Variants in ABCB4 observed in about 807,000 individuals in gnomAD.
ABCB4 encodes phosphatidylcholine translocator ABCB4.
A neutral mutation model predicts 145.7 loss-of-function variants in ABCB4; 76 were observed. That is an observed-to-expected ratio of 0.52 (90% CI 0.43 to 0.63). The LOEUF (loss-of-function observed/expected upper bound fraction) is 0.63, where lower values mean the gene tolerates loss of function less well. Among genes scored for constraint, ABCB4 ranks in the 30% least tolerant of loss-of-function variants. ABCB4 has a pLI of 0.00. For synonymous variants in ABCB4, 517 were observed against 566.8 expected (o/e 0.91, Z 1.25); for missense variants, 1,234 against 1,553.1 (o/e 0.79, Z 3.45).
chr7:87,469,706 A>G (rs1410186827), intron 3 of ABCB4, among the ~76,000 whole-genome samples: 1 of 152,226 alleles, frequency 6.6e-6, no homozygotes, highest in Non-Finnish European at 1.5e-5. Context: ...CCACTGCTCA[A>G]CGAAATAAAA....
chr7:87,475,236 G>C (rs1813715592), intron 2 of ABCB4, 150 bp downstream of exon 2: 3 of 891,978 alleles, frequency 3.4e-6, no homozygotes, highest in Non-Finnish European at 5.5e-6. Context: ...TTTGCTCCAA[G>C]GTCAGAACCG....
At chr7:87,411,869 C>A (rs8187805) in intron 23 of ABCB4, 24 bp downstream of exon 23, 1 of 1,607,090 alleles carries the variant, frequency 6.2e-7, no homozygotes, top group South Asian at 1.1e-5. Flanking sequence ...ATAGAATAAT[C>A]TTAATATTTC....
At position 87,426,863 on chromosome 7, in the gene ABCB4, T is replaced by G. The variant is rs1270132049; in HGVS notation, c.1951A>C (p.Thr651Pro). Residue 651 changes from threonine to proline, a missense_variant, in exon 16 of 28, where the codon ACT becomes CCT. This residue lies in a region of ABCB4 where 321 missense variants were observed against 332.6 expected (regional missense o/e 0.97). Coordinates refer to ENST00000649586, the MANE Select transcript of ABCB4 (RefSeq NM_000443.4). ...TTCCAGCCATTTGGGGCCATTCTAGTGGCAGCCTTTTCATCATTTAGTTCA... is the reference window on the plus strand; with the variant it reads ...TTCCAGCCATTTGGGGCCATTCTAGGGGCAGCCTTTTCATCATTTAGTTCA... ...EFELNDEKAA[T>P]RMAPNGWKSR... is the part of the protein sequence containing the mutation. 1 of 1,613,898 alleles carries G rather than the reference T, an allele frequency of 6.2e-7. No individual in the cohort carries two copies. The highest frequency in any genetic ancestry group is 8.5e-7 in the Non-Finnish European group (1 of 1,179,998).
chr7:87,398,635 T>G, downstream of ABCB4: 2 of 1,613,196 alleles, frequency 1.2e-6, no homozygotes, highest in Non-Finnish European at 1.7e-6. Flanking sequence ...TGAACTCTAC[T>G]CATCTTTAGA....
At chr7:87,431,254 A>G (rs985054810) in intron 15 of ABCB4, 150 bp downstream of exon 15, 10 of 1,016,508 alleles carry the variant, frequency 9.8e-6, no homozygotes, top group Non-Finnish European at 1.5e-5. Flanking sequence ...CTCTTTACAG[A>G]TTCTGATTTA....
At chr7:87,375,385 A>G in the ABCB4 span, 8 of 422,572 alleles carry the variant, frequency 1.9e-5, no homozygotes, top group Non-Finnish European at 3.0e-5. Context: ...TATCAGCGAA[A>G]CTAAATTTAG....
At chr7:87,408,381 T>C (rs1045870823) in intron 24 of ABCB4, 147 bp from the exon 25 acceptor site, 2 of 853,610 alleles carry the variant, frequency 2.3e-6, no homozygotes, top group African/African-American at 1.7e-5. Flanking sequence ...TTAATATTGA[T>C]AGCAAGTTAT....
chr7:87,454,482 G>T, intron 5 of ABCB4, 53 bp downstream of exon 5: 2 of 1,344,028 alleles, frequency 1.5e-6, no homozygotes, highest in South Asian at 1.2e-5. Context: ...CTCTGTAATT[G>T]GAAATTATCT....
At chr7:87,367,682 C>T in the ABCB4 span, among the ~76,000 whole-genome samples, 1 of 152,240 alleles carries the variant, frequency 6.6e-6, no homozygotes, top group Non-Finnish European at 1.5e-5. Context: ...CCCGCTTCCT[C>T]TTGCTTAGTC....
chr7:87,424,029 G>C lies in ABCB4; in HGVS notation c.2088C>G (p.Ser696=). Residue 696 remains serine (S), a synonymous_variant, in exon 17 of 28, where the codon TCC becomes TCG. Coordinates refer to ENST00000649586, the MANE Select transcript of ABCB4 (RefSeq NM_000443.4). ...TATTCAGTTTCAGGACCTTCAGAAA[G>C]GACACTGGTGGCACATTTGCTTCCT... The part of the protein sequence containing the change: ...DGLEANVPPV[S]FLKVLKLNKT... 1 of 1,614,086 alleles carries C rather than the reference G, an allele frequency of 6.2e-7. No homozygotes were observed. The highest frequency in any genetic ancestry group is 8.5e-7 in the Non-Finnish European group (1 of 1,179,962).
Position 87,411,903 on chromosome 7 carries a change from C to T in ABCB4, c.2914G>A (p.Asp972Asn), listed in dbSNP as rs1562953642. The T allele has an allele frequency of 1.9e-6, 3 of 1,613,600 alleles. No homozygotes were observed. Among genetic ancestry groups the T allele is most frequent in the Non-Finnish European group, 1.7e-6 (2 of 1,179,664 alleles). ...TCTAAAGCTACTTACAGAATAACAT[C>T]TCTGAAGCGCATATGTCCATTCACA... ...LIVNGHMRFR[D>N]VILVFSAIVF... Residue 972 changes from aspartate to asparagine, a missense_variant, in exon 23 of 28, where the codon GAT becomes AAT. Coordinates refer to ENST00000649586, the MANE Select transcript of ABCB4 (RefSeq NM_000443.4).
intron 4 of ABCB4, among the ~76,000 whole-genome samples, chr7:87,462,447 A>T (rs924503908): frequency 6.6e-6 from 1 of 152,228 alleles, no homozygotes; most frequent in African/African-American, 2.4e-5. Context: ...TGGGATGGAT[A>T]CTGCATAGAG....
At chr7:87,470,233 G>T (rs1442160346) in intron 3 of ABCB4, among the ~76,000 whole-genome samples, 1 of 152,182 alleles carries the variant, frequency 6.6e-6, no homozygotes, top group African/African-American at 2.4e-5. Flanking sequence ...ATGGATTAAA[G>T]ACTTACATGT....
chr7:87,426,927 G>T lies in ABCB4; in HGVS notation c.1894-7C>A. The T allele has an allele frequency of 6.3e-7, 1 of 1,592,818 alleles. No homozygotes were observed. The highest frequency in any genetic ancestry group is 8.6e-7 in the Non-Finnish European group (1 of 1,167,258). ...GGATCTGGCTTCCTGATGTCTGAAA[G>T]AATATCAAGACATTAAAGTGTGTGT... On this transcript the variant is annotated splice_region_variant and splice_polypyrimidine_tract_variant and intron_variant, in intron 15 of 27. Transcript: ENST00000649586.
the ABCB4 span, among the ~76,000 whole-genome samples, chr7:87,371,133 TTC>T: frequency 2.6e-5 from 4 of 152,340 alleles, no homozygotes; most frequent in East Asian, 7.7e-4. Flanking sequence ...ACATTTTGTG[TTC>T]TGTTTTAAAA....
chr7:87,431,678 T>G, intron 14 of ABCB4, 113 bp from the exon 15 acceptor site: 1 of 1,359,482 alleles, frequency 7.4e-7, no homozygotes, highest in Non-Finnish European at 1.0e-6. Flanking sequence ...GAGAGTAGTT[T>G]ATACTCCAGA....
In ABCB4 at chr7:87,445,755, C is replaced by G. The variant is rs1162706131; in HGVS notation, c.1006-780G>C. ...CAAATATCAGTTAAATATCTATCCC[C>G]CATCTGCAATACAGATAAGGACCAG... On this transcript the variant is annotated intron_variant, in intron 9 of 27. Transcript: ENST00000649586. Among the ~76,000 whole-genome samples the G allele has an allele frequency of 2.0e-5, 3 of 152,210 alleles. No individual in the cohort carries two copies. The East Asian group carries it at 5.8e-4, about 29-fold the overall frequency.
intron 9 of ABCB4, among the ~76,000 whole-genome samples, chr7:87,446,544 ATTATT>A (rs1203645618): frequency 5.3e-5 from 8 of 152,210 alleles, no homozygotes; most frequent in African/African-American, 1.7e-4. Context: ...ATTAGTATAT[ATTATT>A]TTAACAATCA....
intron 7 of ABCB4, among the ~76,000 whole-genome samples, chr7:87,450,374 C>T (rs1463745235): frequency 1.3e-5 from 2 of 152,076 alleles, no homozygotes; most frequent in East Asian, 1.9e-4. Flanking sequence ...TCAAGTTCCA[C>T]ATCTACTGTT....
Sources: gnomAD v4.1 joint callset for allele counts (sites outside exome capture counted in the v4.1 genomes callset) on GRCh38, gnomAD v4.1.1 for gene constraint, gnomAD v4.1.1 regional missense constraint, MANE v1.5 for transcripts, NCBI Gene and HGNC (gene_info 2026-07-23, HGNC 2026-07-21) for gene names.